MYT1L: variants seen among roughly 807,000 people sequenced by gnomAD.
MYT1L encodes the protein myelin transcription factor 1-like protein.
A neutral mutation model predicts 126.7 loss-of-function variants in MYT1L; 12 were observed. The ratio of observed to expected loss-of-function variants is 0.09; its 90% CI spans 0.06 to 0.15. The LOEUF (loss-of-function observed/expected upper bound fraction) is 0.15, where lower values mean the gene tolerates loss of function less well. MYT1L is among the 10% of genes least tolerant of loss of function. The pLI is 1.00. For missense variants in MYT1L, 979 were observed against 1,585.2 expected (o/e 0.62, Z 6.49); for synonymous variants, 541 against 604.2 (o/e 0.90, Z 1.53).
intron 1 of MYT1L, among the ~76,000 whole-genome samples, chr2:2,307,980 A>C (rs995829586): frequency 1.3e-5 from 2 of 151,908 alleles, no homozygotes; most frequent in Non-Finnish European, 2.9e-5. Flanking sequence ...ATGCTTCAGC[A>C]CACTCTACCT....
chr2:2,205,419 A>G (rs1331319922), intron 2 of MYT1L, among the ~76,000 whole-genome samples: 1 of 152,188 alleles, frequency 6.6e-6, no homozygotes, highest in Non-Finnish European at 1.5e-5. Context: ...TTCTAGTAGG[A>G]TGTAAGTAAT....
At chr2:2,304,022 TTCC>T (rs1430806820) in intron 1 of MYT1L, 11 of 152,270 alleles carry the variant, frequency 7.2e-5, no homozygotes, top group African/African-American at 2.6e-4. Flanking sequence ...GACCCCTTTA[TTCC>T]AGAACAAATA....
intron 13 of MYT1L, among the ~76,000 whole-genome samples, chr2:1,907,875 G>C (rs1573458641): frequency 6.6e-6 from 1 of 152,240 alleles, no homozygotes; most frequent in South Asian, 2.1e-4. Context: ...AGCATGCCAG[G>C]TAAGCCCCAT....
At chr2:2,024,557 T>A (rs1257968250) in intron 4 of MYT1L, among the ~76,000 whole-genome samples, 1 of 152,234 alleles carries the variant, frequency 6.6e-6, no homozygotes, top group East Asian at 1.9e-4. Context: ...CCTTGGCAAC[T>A]TCATTCACTG....
rs1380693428 is a variant in MYT1L, at chr2:1,840,748, T to C, written c.2858+12A>G. On this transcript the variant is annotated intron_variant, in intron 20 of 24. Coordinates refer to ENST00000647738, the MANE Select transcript of MYT1L (RefSeq NM_001303052.2). ...GCCCTGCTATGGTTCTCAGCCCCAC[T>C]GGTGCTCATACCTGATGGGTTCTTG... 2.5e-5 allele frequency: 38 copies of C among 1,544,918 alleles called. No individual in the cohort carries two copies. Among genetic ancestry groups the C allele is most frequent in the Non-Finnish European group, 3.3e-5 (38 of 1,141,856 alleles).
At chr2:1,853,055 T>C (rs112229688) in intron 18 of MYT1L, among the ~76,000 whole-genome samples, 1 of 152,240 alleles carries the variant, frequency 6.6e-6, no homozygotes, top group African/African-American at 2.4e-5. Context: ...ATTTTGATAC[T>C]TGGATGTGTA....
intron 8 of MYT1L, among the ~76,000 whole-genome samples, chr2:1,978,392 C>G (rs1041565989): frequency 1.4e-4 from 22 of 152,156 alleles, no homozygotes; most frequent in Non-Finnish European, 2.9e-4. Context: ...ATAATTGAAA[C>G]CTTTCTATTG....
intron 1 of MYT1L, among the ~76,000 whole-genome samples, chr2:2,315,536 C>A (rs1351536727): frequency 6.6e-6 from 1 of 151,994 alleles, no homozygotes; most frequent in African/African-American, 2.4e-5. Context: ...TGTGATATAA[C>A]CCATGAGGAA....
chr2:2,221,610 T>G, intron 2 of MYT1L, among the ~76,000 whole-genome samples: 1 of 152,306 alleles, frequency 6.6e-6, no homozygotes, highest in East Asian at 1.9e-4. Flanking sequence ...TGACCGCTGA[T>G]TCCTTGCACA....
intron 1 of MYT1L, among the ~76,000 whole-genome samples, chr2:2,297,857 C>T (rs1156414647): frequency 6.6e-6 from 1 of 152,128 alleles, no homozygotes; most frequent in Non-Finnish European, 1.5e-5. Flanking sequence ...CTGCTCTCTC[C>T]CTCTCTCCCA....
intron 18 of MYT1L, among the ~76,000 whole-genome samples, chr2:1,881,822 G>A (rs868312032): frequency 1.3e-5 from 2 of 152,308 alleles, no homozygotes; most frequent in East Asian, 1.9e-4. Context: ...TGTAGTCATC[G>A]CTAAATGTAA....
chr2:2,039,846 G>C (rs574508224), intron 4 of MYT1L, among the ~76,000 whole-genome samples: 1 of 152,258 alleles, frequency 6.6e-6, no homozygotes, highest in South Asian at 2.1e-4. Flanking sequence ...CTTCCACGTG[G>C]AATGGCTGCA....
At chr2:2,221,943 G>C (rs7569601) in intron 2 of MYT1L, among the ~76,000 whole-genome samples, 118,150 of 152,138 alleles carry the variant, frequency 0.78, 46,318 homozygotes, top group East Asian at 0.98. Context: ...TTTTCCCACA[G>C]AAAGGCCAGG....
chr2:1,834,506 C>A (rs1438796461), intron 21 of MYT1L, among the ~76,000 whole-genome samples: 1 of 152,112 alleles, frequency 6.6e-6, no homozygotes, highest in South Asian at 2.1e-4. Context: ...TATTCAGTCT[C>A]AAAAGGGAAG....
intron 3 of MYT1L, among the ~76,000 whole-genome samples, chr2:2,055,231 TC>T (rs368991396): frequency 1.6e-3 from 244 of 152,306 alleles, no homozygotes; most frequent in African/African-American, 5.5e-3. Context: ...ACGGGATGTA[TC>T]TGCACATGTA....
chr2:1,824,870 G>C (rs913665727), intron 21 of MYT1L: 12 of 152,272 alleles, frequency 7.9e-5, no homozygotes, highest in Admixed American at 5.2e-4. Context: ...AGAGAAAAAG[G>C]CATTTGCGTT....
chr2:2,187,980 TTGCCTC>T (rs1228917322), intron 2 of MYT1L, among the ~76,000 whole-genome samples: 1 of 152,210 alleles, frequency 6.6e-6, no homozygotes, highest in East Asian at 1.9e-4. Context: ...ATATGCATAT[TTGCCTC>T]TGTCTACCTT....
At chr2:2,068,766 C>CTTCTTTTTTTTT (rs1370285207) in intron 3 of MYT1L, among the ~76,000 whole-genome samples, 11 of 5,870 alleles carry the variant, frequency 1.9e-3, no homozygotes, top group Non-Finnish European at 3.7e-3. Flanking sequence ...CTGTGTTCTT[C>CTTCTTTTTTTTT]TTGTTTTTTT....
intron 14 of MYT1L, among the ~76,000 whole-genome samples, chr2:1,900,243 A>G (rs2050151141): frequency 6.6e-6 from 1 of 151,872 alleles, no homozygotes; most frequent in Non-Finnish European, 1.5e-5. Context: ...ATCTCCTTGG[A>G]TTACACCCCA....
Sources: gnomAD v4.1 joint callset for allele counts (sites outside exome capture counted in the v4.1 genomes callset) on GRCh38, gnomAD v4.1.1 for gene constraint, MANE v1.5 for transcripts, NCBI Gene and HGNC (gene_info 2026-07-23, HGNC 2026-07-21) for gene names.